Variants in GABRP observed in about 807,000 individuals in gnomAD.
The protein encoded by GABRP is gamma-aminobutyric acid receptor subunit pi.
A neutral mutation model predicts 47.8 loss-of-function variants in GABRP; 52 were observed. That is an observed-to-expected ratio of 1.09 (90% CI 0.87 to 1.37). The LOEUF (loss-of-function observed/expected upper bound fraction) is 1.37, where lower values mean the gene tolerates loss of function less well. Among genes scored for constraint, GABRP ranks in the 40% most tolerant of loss-of-function variants. The pLI is 0.00. For synonymous variants in GABRP, 221 were observed against 205.8 expected (o/e 1.07, Z -0.63); for missense variants, 525 against 542.8 (o/e 0.97, Z 0.33).
chr5:170,797,392 TG>T, intron 5 of GABRP, 73 bp from the exon 6 acceptor site: 1 of 887,738 alleles, frequency 1.1e-6, no homozygotes, highest in Non-Finnish European at 1.9e-6. Context: ...CTTCTTTGAG[TG>T]GGCCTTCGAA....
intron 9 of GABRP, among the ~76,000 whole-genome samples, 169 bp from the exon 10 acceptor site, chr5:170,811,787 C>CA (rs1765890127): frequency 6.6e-6 from 1 of 152,326 alleles, no homozygotes; most frequent in Admixed American, 6.5e-5. Flanking sequence ...AACAGGGCAA[C>CA]AGGAGCCCAA....
intron 9 of GABRP, among the ~76,000 whole-genome samples, chr5:170,811,085 G>A (rs2216589): frequency 0.44 from 65,374 of 149,724 alleles, 16,241 homozygotes; most frequent in East Asian, 0.72. Flanking sequence ...CTAAACATCC[G>A]TCAACATCTC....
intron 5 of GABRP, among the ~76,000 whole-genome samples, chr5:170,796,375 T>C (rs1020829915): frequency 6.6e-6 from 1 of 152,216 alleles, no homozygotes; most frequent in African/African-American, 2.4e-5. Flanking sequence ...TGAATGTGGA[T>C]GTGTGAGTGT....
At chr5:170,797,428 C>T in intron 5 of GABRP, 38 bp from the exon 6 acceptor site, 1 of 1,299,678 alleles carries the variant, frequency 7.7e-7, no homozygotes, top group Non-Finnish European at 1.1e-6. Context: ...CTATAACTTC[C>T]TCACAATACT....
rs1363563438 is a variant in GABRP at position 170,813,394 on chromosome 5, C to G, written c.*1136C>G. 1 of 152,280 alleles carries G rather than the reference C, an allele frequency of 6.6e-6. No individual in the cohort carries two copies. The highest frequency in any genetic ancestry group is 1.5e-5 in the Non-Finnish European group (1 of 68,090). The allele number at this position is 152,280 out of a possible 1,614,324, so 9.4% of individuals were successfully genotyped here. On this transcript the variant is annotated 3_prime_UTR_variant, in exon 10 of 10. Transcript: ENST00000265294. ...TAAGTAAACTTGGCTTTGCTCAGAT[C>G]CCTGATCCTTCCAGCTGGTCTGCTA...
chr5:170,789,076 G>T, intron 2 of GABRP, 53 bp from the exon 3 acceptor site: 1 of 1,381,366 alleles, frequency 7.2e-7, no homozygotes, highest in Non-Finnish European at 1.0e-6. Flanking sequence ...GTGTGTACAC[G>T]TGTTGATTCA....
chr5:170,804,519 G>A lies in GABRP; in HGVS notation c.542-1197G>A, dbSNP rs550176917. Reference sequence around the variant, plus strand: ...CCAGCTTCTGCATGTGCTGGCCTTCGTTACTGTCTATCTTTTTTATTACAG... The same window carrying A: ...CCAGCTTCTGCATGTGCTGGCCTTCATTACTGTCTATCTTTTTTATTACAG... On this transcript the variant is annotated intron_variant, in intron 6 of 9. Transcript: ENST00000265294. Among the ~76,000 whole-genome samples the A allele has an allele frequency of 1.3e-3, 195 of 152,172 alleles. 1 individual carries two copies. The highest frequency in any genetic ancestry group is 3.4e-3 in the Middle Eastern group (1 of 292).
chr5:170,788,699 A>G (rs766176349), intron 2 of GABRP, 31 bp downstream of exon 2: 5 of 1,608,276 alleles, frequency 3.1e-6, no homozygotes, highest in African/African-American at 2.7e-5. Context: ...AATGGCCTCC[A>G]TCTGCGTTGC....
At chr5:170,797,082 C>A (rs772076800) in intron 5 of GABRP, among the ~76,000 whole-genome samples, 33 of 152,204 alleles carry the variant, frequency 2.2e-4, no homozygotes, top group Non-Finnish European at 3.8e-4. Flanking sequence ...TATGCAAGTC[C>A]CTATGCCTGC....
intron 7 of GABRP, 68 bp downstream of exon 7, chr5:170,805,921 C>A: frequency 2.6e-6 from 4 of 1,544,952 alleles, no homozygotes; most frequent in Non-Finnish European, 2.7e-6. Context: ...CTCTCTGAGT[C>A]AGAAATATCG....
chr5:170,796,149 G>T (rs1440921477), intron 5 of GABRP, among the ~76,000 whole-genome samples: 1 of 152,226 alleles, frequency 6.6e-6, no homozygotes, highest in Admixed American at 6.5e-5. Flanking sequence ...TATTCATGGG[G>T]CTGATGTTTA....
At position 170,808,688 on chromosome 5, in the gene GABRP, G is replaced by A. The variant is rs750017566; in HGVS notation, c.768G>A (p.Leu256=). 3.1e-6 allele frequency: 5 copies of A among 1,613,954 alleles called. No homozygotes were observed. In the South Asian group the frequency reaches 4.4e-5, roughly 14 times the overall value. ...AAACCTACGTTCCTTCCACTTTCCT[G>A]GTGGTGTTGTCCTGGGTTTCATTTT... is the stretch of plus-strand genomic sequence containing the variant. ...ILETYVPSTF[L]VVLSWVSFWI... Residue 256 remains leucine (L), a synonymous_variant, in exon 8 of 10, where the codon CTG becomes CTA. Transcript: ENST00000265294.
upstream of GABRP, among the ~76,000 whole-genome samples, chr5:170,783,189 A>G (rs1014441312): frequency 3.9e-5 from 6 of 152,146 alleles, no homozygotes; most frequent in East Asian, 1.9e-4. Context: ...CTTGGCCTCT[A>G]TGAGTCTTTT....
chr5:170,807,359 C>T (rs1016158965), intron 7 of GABRP, among the ~76,000 whole-genome samples: 4 of 152,082 alleles, frequency 2.6e-5, no homozygotes, highest in African/African-American at 9.7e-5. Flanking sequence ...TCATAGTTTA[C>T]CAAATCTGGA....
intron 1 of GABRP, among the ~76,000 whole-genome samples, chr5:170,786,995 T>C (rs981366121): frequency 6.6e-5 from 10 of 152,200 alleles, no homozygotes; most frequent in Admixed American, 1.3e-4. Flanking sequence ...GTTTTTGTTA[T>C]GTTTTTTTAA....
chr5:170,810,050 A>G (rs1476063854), intron 9 of GABRP: 1 of 672,202 alleles, frequency 1.5e-6, no homozygotes, highest in Non-Finnish European at 2.7e-6. Flanking sequence ...TGAAGAATCC[A>G]ATATGAAAAA....
intron 3 of GABRP, among the ~76,000 whole-genome samples, chr5:170,791,642 G>A (rs548153894): frequency 1.8e-4 from 27 of 147,612 alleles, no homozygotes; most frequent in African/African-American, 6.4e-4. Flanking sequence ...ATTAGACGGT[G>A]TAGAATATAA....
intron 9 of GABRP, among the ~76,000 whole-genome samples, chr5:170,810,283 A>G (rs1487866584): frequency 9.4e-6 from 1 of 106,304 alleles, no homozygotes; most frequent in East Asian, 2.6e-4. Flanking sequence ...CTCTCTAAAT[A>G]ATAATAATAG....
chr5:170,800,764 G>A (rs1422521748), intron 6 of GABRP, among the ~76,000 whole-genome samples: 3 of 152,164 alleles, frequency 2.0e-5, no homozygotes, highest in African/African-American at 7.2e-5. Context: ...TGGCCAAGAT[G>A]GTGAAACCCC....
Sources: allele counts gnomAD v4.1 joint callset (sites outside exome capture counted in the v4.1 genomes callset), GRCh38; gene constraint gnomAD v4.1.1; transcripts MANE v1.5; gene names NCBI Gene and HGNC (gene_info 2026-07-23, HGNC 2026-07-21).